Variants in GRM5 observed in about 807,000 individuals in gnomAD.
GRM5 encodes the protein metabotropic glutamate receptor 5.
GRM5 carries 19 observed loss-of-function variants against 83.1 expected under a neutral mutation model. That is an observed-to-expected ratio of 0.23 (90% CI 0.16 to 0.34). The LOEUF (loss-of-function observed/expected upper bound fraction) is 0.34. Ranked by LOEUF, GRM5 falls within the 10% of genes least tolerant of loss-of-function variation. GRM5 has a pLI of 1.00. For synonymous variants in GRM5, 675 were observed against 633.6 expected (o/e 1.07, Z -0.98); for missense variants, 1,160 against 1,588.3 (o/e 0.73, Z 4.58).
chr11:88,986,247 G>T (rs1260605664), intron 2 of GRM5, among the ~76,000 whole-genome samples: 1 of 152,050 alleles, frequency 6.6e-6, no homozygotes, highest in Non-Finnish European at 1.5e-5. Flanking sequence ...AAAGCCAAAG[G>T]TCATATATTG....
chr11:88,562,272 T>C (rs1201870836), intron 8 of GRM5, among the ~76,000 whole-genome samples: 2 of 152,174 alleles, frequency 1.3e-5, no homozygotes, highest in African/African-American at 4.8e-5. Flanking sequence ...TTCATGGAGC[T>C]ATTTAATTTT....
chr11:88,940,388 T>C (rs1419511584), intron 2 of GRM5, among the ~76,000 whole-genome samples: 9 of 151,206 alleles, frequency 6.0e-5, no homozygotes, highest in Non-Finnish European at 8.9e-5. Context: ...CTTTTTTTCT[T>C]TTTTTCTTTT....
chr11:88,637,029 A>T (rs952780042), intron 4 of GRM5, among the ~76,000 whole-genome samples: 2 of 152,166 alleles, frequency 1.3e-5, no homozygotes, highest in Non-Finnish European at 2.9e-5. Flanking sequence ...TGACTTGGCA[A>T]TGCGGGCTCT....
At chr11:88,941,151 A>G (rs1215870707) in intron 2 of GRM5, among the ~76,000 whole-genome samples, 1 of 151,866 alleles carries the variant, frequency 6.6e-6, no homozygotes, top group Admixed American at 6.6e-5. Context: ...TGCTTATTTC[A>G]TACTGAGGCA....
intron 3 of GRM5, among the ~76,000 whole-genome samples, chr11:88,844,360 A>G (rs1227313552): frequency 9.5e-6 from 1 of 105,702 alleles, no homozygotes; most frequent in African/African-American, 5.7e-5. Flanking sequence ...GAATTACTAC[A>G]CACACACACA....
intron 3 of GRM5, among the ~76,000 whole-genome samples, chr11:88,685,151 C>T (rs549064454): frequency 5.3e-5 from 8 of 152,124 alleles, no homozygotes; most frequent in Admixed American, 2.6e-4. Context: ...AGCCTGATAG[C>T]GATATAGACA....
chr11:88,640,587 C>T (rs1460519779), intron 4 of GRM5, among the ~76,000 whole-genome samples: 1 of 152,168 alleles, frequency 6.6e-6, no homozygotes, highest in Admixed American at 6.6e-5. Flanking sequence ...ACTACCCTCC[C>T]TCTTCCCACC....
intron 3 of GRM5, among the ~76,000 whole-genome samples, chr11:88,796,555 T>C (rs1943278269): frequency 6.6e-6 from 1 of 152,144 alleles, no homozygotes; most frequent in Admixed American, 6.6e-5. Context: ...TCTGTGAAGA[T>C]TTATGATAAA....
chr11:88,833,277 T>A (rs1944029704), intron 3 of GRM5, among the ~76,000 whole-genome samples: 1 of 151,254 alleles, frequency 6.6e-6, no homozygotes, highest in African/African-American at 2.4e-5. Context: ...AAAAACTAAC[T>A]CCCGCTGCCC....
chr11:88,706,402 C>T (rs183959636), intron 3 of GRM5, among the ~76,000 whole-genome samples: 9 of 152,154 alleles, frequency 5.9e-5, no homozygotes, highest in African/African-American at 2.2e-4. Context: ...AAGTATCTCC[C>T]TTAAAGCAGA....
intron 3 of GRM5, among the ~76,000 whole-genome samples, chr11:88,729,868 C>G (rs1941768358): frequency 6.6e-6 from 1 of 152,136 alleles, no homozygotes; most frequent in African/African-American, 2.4e-5. Flanking sequence ...ACACCTTATA[C>G]AAAAATTAAC....
At chr11:88,545,400 C>G (rs1347850206) in intron 8 of GRM5, among the ~76,000 whole-genome samples, 1 of 151,852 alleles carries the variant, frequency 6.6e-6, no homozygotes, top group East Asian at 1.9e-4. Context: ...TTTACCTTAC[C>G]CACCCCAATC....
intron 2 of GRM5, among the ~76,000 whole-genome samples, chr11:88,851,952 T>C (rs1944395924): frequency 6.6e-6 from 1 of 152,214 alleles, no homozygotes; most frequent in Non-Finnish European, 1.5e-5. Flanking sequence ...AAATTACCAG[T>C]TTTACACTAA....
chr11:88,688,422 C>T (rs1370715737), intron 3 of GRM5, among the ~76,000 whole-genome samples: 4 of 152,050 alleles, frequency 2.6e-5, no homozygotes, highest in Non-Finnish European at 5.9e-5. Context: ...GATGCTTTGG[C>T]CCTATGAAGC....
At chr11:88,977,913 C>T (rs571037532) in intron 2 of GRM5, among the ~76,000 whole-genome samples, 1 of 152,328 alleles carries the variant, frequency 6.6e-6, no homozygotes, top group South Asian at 2.1e-4. Flanking sequence ...AACACACCTC[C>T]CTTGTCAACA....
At chr11:88,802,212 G>A (rs935046176) in intron 3 of GRM5, among the ~76,000 whole-genome samples, 1 of 151,980 alleles carries the variant, frequency 6.6e-6, no homozygotes, top group African/African-American at 2.4e-5. Context: ...TCTGGTGTAG[G>A]CTTTAAGACT....
intron 2 of GRM5, among the ~76,000 whole-genome samples, chr11:88,861,921 G>T (rs543099057): frequency 6.6e-6 from 1 of 152,122 alleles, no homozygotes; most frequent in African/African-American, 2.4e-5. Context: ...AAACAAAGGG[G>T]TTAATTACCC....
At chr11:88,749,909 G>T (rs1942228337) in intron 3 of GRM5, among the ~76,000 whole-genome samples, 1 of 152,070 alleles carries the variant, frequency 6.6e-6, no homozygotes. Context: ...TCACCATGAG[G>T]CCTGCCTTGC....
At chr11:88,713,440 G>A (rs180946909) in intron 3 of GRM5, among the ~76,000 whole-genome samples, 19 of 152,022 alleles carry the variant, frequency 1.2e-4, no homozygotes, top group African/African-American at 4.6e-4. Flanking sequence ...TTAATACATT[G>A]TATGTCATGT....
Sources: allele counts gnomAD v4.1 joint callset (sites outside exome capture counted in the v4.1 genomes callset), GRCh38; gene constraint gnomAD v4.1.1; transcripts MANE v1.5; gene names NCBI Gene and HGNC (gene_info 2026-07-23, HGNC 2026-07-21).